Variants in WDR64 observed in about 807,000 individuals in gnomAD.
The protein encoded by WDR64 is WD repeat-containing protein 64.
WDR64 carries 112 observed loss-of-function variants against 139.3 expected under a neutral mutation model. The ratio of observed to expected loss-of-function variants is 0.80; its 90% CI spans 0.69 to 0.94. WDR64 has a LOEUF of 0.94. Ranked by LOEUF, WDR64 falls within the 40% of genes least tolerant of loss-of-function variation. The pLI is 0.00. For synonymous variants in WDR64, 444 were observed against 437.7 expected (o/e 1.01, Z -0.18); for missense variants, 1,206 against 1,293.1 (o/e 0.93, Z 1.03).
intron 2 of WDR64, among the ~76,000 whole-genome samples, chr1:241,663,408 C>G (rs1273501362): frequency 6.6e-6 from 1 of 152,188 alleles, no homozygotes; most frequent in Non-Finnish European, 1.5e-5. Flanking sequence ...CTCTTCCATA[C>G]CTTCACCTCC....
intron 8 of WDR64, among the ~76,000 whole-genome samples, chr1:241,698,324 T>C (rs1362456563): frequency 6.6e-6 from 1 of 152,188 alleles, no homozygotes; most frequent in Non-Finnish European, 1.5e-5. Context: ...CCATATTGCC[T>C]CATAACCACT....
chr1:241,796,145 G>T, intron 26 of WDR64, 112 bp from the exon 27 acceptor site: 1 of 519,784 alleles, frequency 1.9e-6, no homozygotes, highest in Admixed American at 3.5e-5. Context: ...GAAGAAGGGG[G>T]GTGTGTATTT....
chr1:241,796,479 A>G, intron 27 of WDR64, 109 bp downstream of exon 27: 1 of 730,186 alleles, frequency 1.4e-6, no homozygotes, highest in South Asian at 2.4e-5. Context: ...ACCTAAAATC[A>G]TTTCAGTTCA....
intron 14 of WDR64, among the ~76,000 whole-genome samples, chr1:241,755,764 A>C (rs937444327): frequency 6.6e-6 from 1 of 152,166 alleles, no homozygotes; most frequent in African/African-American, 2.4e-5. Context: ...GTCCAGTTTC[A>C]GTTTTCTGCA....
intron 9 of WDR64, among the ~76,000 whole-genome samples, chr1:241,718,813 ATG>A (rs1668497295): frequency 6.6e-6 from 1 of 152,076 alleles, no homozygotes; most frequent in Admixed American, 6.6e-5. Flanking sequence ...CCTTCTCTCC[ATG>A]TTCTCAAATG....
intron 9 of WDR64, among the ~76,000 whole-genome samples, chr1:241,716,453 A>G (rs945099496): frequency 4.6e-5 from 7 of 152,016 alleles, no homozygotes; most frequent in African/African-American, 1.7e-4. Flanking sequence ...GAACACAATT[A>G]CCTCCCAAAA....
At chr1:241,705,918 G>T (rs1667936356) in intron 8 of WDR64, among the ~76,000 whole-genome samples, 1 of 152,128 alleles carries the variant, frequency 6.6e-6, no homozygotes, top group Non-Finnish European at 1.5e-5. Flanking sequence ...GCTGCAGGCT[G>T]GGCCACAGTC....
At chr1:241,655,411 C>CT (rs1388623589) in intron 1 of WDR64, among the ~76,000 whole-genome samples, 1 of 152,050 alleles carries the variant, frequency 6.6e-6, no homozygotes, top group Non-Finnish European at 1.5e-5. Context: ...AAAAAATAGT[C>CT]TTTTTGCCAA....
intron 2 of WDR64, 148 bp downstream of exon 2, chr1:241,660,808 C>G: frequency 1.3e-6 from 1 of 766,916 alleles, no homozygotes; most frequent in Non-Finnish European, 2.1e-6. Context: ...TAGGACATGG[C>G]CACTGCCCAC....
intron 1 of WDR64, among the ~76,000 whole-genome samples, chr1:241,655,625 C>A (rs1263365982): frequency 6.6e-6 from 1 of 152,134 alleles, no homozygotes; most frequent in Admixed American, 6.5e-5. Context: ...AAACAAACTT[C>A]TTGGCATTTC....
chr1:241,711,142 C>T (rs1013588573), intron 8 of WDR64, among the ~76,000 whole-genome samples: 1 of 150,820 alleles, frequency 6.6e-6, no homozygotes, highest in African/African-American at 2.4e-5. Flanking sequence ...GAGGCTGAGG[C>T]AGGAAAATTG....
At chr1:241,729,567 G>T (rs150115731) in intron 10 of WDR64, among the ~76,000 whole-genome samples, 3 of 152,108 alleles carry the variant, frequency 2.0e-5, no homozygotes, top group East Asian at 3.8e-4. Context: ...GTGCATTCCC[G>T]TCTTTGTCTG....
chr1:241,700,832 G>A (rs1410368295), intron 8 of WDR64, among the ~76,000 whole-genome samples: 2 of 152,170 alleles, frequency 1.3e-5, no homozygotes, highest in Non-Finnish European at 2.9e-5. Context: ...CAAATGGAAA[G>A]TATTATTATT....
chr1:241,763,925 A>G (rs2148288298), intron 15 of WDR64, among the ~76,000 whole-genome samples: 1 of 152,304 alleles, frequency 6.6e-6, no homozygotes, highest in South Asian at 2.1e-4. Flanking sequence ...GAGGTTTTTG[A>G]AGAGGATAAT....
chr1:241,692,317 A>G (rs1283859638), intron 8 of WDR64, among the ~76,000 whole-genome samples: 1 of 152,248 alleles, frequency 6.6e-6, no homozygotes, highest in African/African-American at 2.4e-5. Context: ...ATTTATATGG[A>G]AAAGCAAAAG....
chr1:241,751,924 T>C (rs1451635484), intron 14 of WDR64, among the ~76,000 whole-genome samples: 1 of 152,144 alleles, frequency 6.6e-6, no homozygotes, highest in Non-Finnish European at 1.5e-5. Context: ...TGAGAAAAAT[T>C]TGCCCCCAAG....
At chr1:241,767,521 C>T (rs1418055671) in intron 16 of WDR64, among the ~76,000 whole-genome samples, 1 of 151,716 alleles carries the variant, frequency 6.6e-6, no homozygotes, top group Non-Finnish European at 1.5e-5. Flanking sequence ...TGGCCAAGAA[C>T]CTTAATAATA....
At chr1:241,794,502 C>CTTTTTTTTTT (rs1659299229) in intron 25 of WDR64, among the ~76,000 whole-genome samples, 1 of 105,024 alleles carries the variant, frequency 9.5e-6, no homozygotes, top group African/African-American at 4.0e-5. Flanking sequence ...TTAAGCTTTA[C>CTTTTTTTTTT]TGTTTTTTTT....
In WDR64 at chr1:241,741,631, A is replaced by C. The variant is rs755998354; in HGVS notation, c.1437A>C (p.Gln479His). Residue 479 changes from glutamine (Q) to histidine (H), a missense_variant, in exon 12 of 28, where the codon CAA (glutamine) becomes CAC (histidine). Coordinates refer to ENST00000437684, the MANE Select transcript of WDR64 (RefSeq NM_001367482.1). The stretch of plus-strand genomic sequence containing the variant: ...TGCTTTACAACAAATATTTTCATCA[A>C]GTACTCACTATCTGCTCTGAATCCA... The part of the protein sequence containing the change: ...NVMLYNKYFH[Q>H]VLTICSESII... 1 of 1,612,712 alleles carries C rather than the reference A, an allele frequency of 6.2e-7. No homozygotes were observed. The highest frequency in any genetic ancestry group is 1.1e-5 in the South Asian group (1 of 90,850).
Sources: allele counts gnomAD v4.1 joint callset (sites outside exome capture counted in the v4.1 genomes callset), GRCh38; gene constraint gnomAD v4.1.1; transcripts MANE v1.5; gene names NCBI Gene and HGNC (gene_info 2026-07-23, HGNC 2026-07-21).